Variants in AMN1 observed in about 807,000 individuals in gnomAD.
AMN1 encodes the protein antagonist of mitotic exit network 1 homolog, also known as protein AMN1 homolog.
In AMN1, 20 loss-of-function variants were observed where a neutral mutation model predicts 33.0. The ratio of observed to expected loss-of-function variants is 0.61; its 90% CI spans 0.43 to 0.88. The LOEUF is 0.88. AMN1 is among the 40% of genes least tolerant of loss of function. AMN1 has a pLI of 0.00. For synonymous variants in AMN1, 114 were observed against 111.9 expected (o/e 1.02, Z -0.12); for missense variants, 246 against 307.4 (o/e 0.80, Z 1.49).
chr12:31,708,196 C>T (rs374826720), intron 2 of AMN1, among the ~76,000 whole-genome samples: 44 of 152,220 alleles, frequency 2.9e-4, no homozygotes, highest in Middle Eastern at 3.4e-3. Context: ...TATAAACAGA[C>T]GTGCAAGTAG....
intron 6 of AMN1, among the ~76,000 whole-genome samples, chr12:31,680,461 C>T (rs911818315): frequency 6.6e-6 from 1 of 152,174 alleles, no homozygotes; most frequent in African/African-American, 2.4e-5. Flanking sequence ...TCGGCCCCCC[C>T]ACAGGGCTGG....
At chr12:31,713,876 A>C (rs1352687042) in intron 1 of AMN1, among the ~76,000 whole-genome samples, 1 of 152,092 alleles carries the variant, frequency 6.6e-6, no homozygotes, top group Non-Finnish European at 1.5e-5. Context: ...TTTTCTGATA[A>C]AATTAAAGCC....
At chr12:31,724,554 A>G (rs766319398) in intron 1 of AMN1, among the ~76,000 whole-genome samples, 1 of 152,178 alleles carries the variant, frequency 6.6e-6, no homozygotes, top group African/African-American at 2.4e-5. Context: ...TTTTTTTACC[A>G]TGGTTGACTG....
chr12:31,687,881 C>A lies in AMN1; in HGVS notation c.703+1126G>T, dbSNP rs919967395. ...ATATATACCATGGCTCTTATACAGG[C>A]AAAATGGGCTACTGCTGTTTTGTTC... On this transcript the variant is annotated intron_variant, in intron 6 of 6. Transcript: ENST00000281471. The surrounding 1 kb of genome is among the most constrained non-coding windows in gnomAD (Gnocchi z 4.1). Among the ~76,000 whole-genome samples, 4 of 152,078 alleles carry A rather than the reference C, an allele frequency of 2.6e-5. No homozygotes were observed. Among genetic ancestry groups the A allele is most frequent in the Non-Finnish European group, 5.9e-5 (4 of 68,008 alleles).
intron 6 of AMN1, among the ~76,000 whole-genome samples, chr12:31,678,917 G>A (rs1937866132): frequency 6.6e-6 from 1 of 152,064 alleles, no homozygotes; most frequent in African/African-American, 2.4e-5. Flanking sequence ...GAATAATACA[G>A]GATTAAGACA....
intron 6 of AMN1, among the ~76,000 whole-genome samples, chr12:31,685,800 C>CAAAAAAAA (rs10525163): frequency 0.044 from 5,268 of 120,586 alleles, 358 homozygotes; most frequent in East Asian, 0.22. Flanking sequence ...GACTCATTAT[C>CAAAAAAAA]AAAAAAAAAA....
At position 31,684,454 on chromosome 12, in the gene AMN1, CTT is replaced by C. The variant is rs538423652; in HGVS notation, c.703+4551_703+4552del. Among the ~76,000 whole-genome samples, 7 of 149,818 alleles carry C rather than the reference CTT, an allele frequency of 4.7e-5. No individual in the cohort carries two copies. The South Asian group carries it at 1.5e-3, about 32-fold the overall frequency. On this transcript the variant is annotated intron_variant, in intron 6 of 6. Transcript: ENST00000281471. The stretch of plus-strand genomic sequence containing the variant: ...TAACAAATATACATAAACAAAAACT[CTT>C]TGGGGATCCTCAGTGATTTTTTTTT...
intron 6 of AMN1, among the ~76,000 whole-genome samples, chr12:31,675,720 T>A (rs1208446358): frequency 3.3e-5 from 5 of 151,730 alleles, no homozygotes. Context: ...GGTCTTGAAC[T>A]CCTGACCTCA....
intron 1 of AMN1, among the ~76,000 whole-genome samples, chr12:31,723,757 G>A (rs1224281640): frequency 6.6e-6 from 1 of 152,194 alleles, no homozygotes; most frequent in African/African-American, 2.4e-5. Context: ...AACTGTGTCA[G>A]AGGGTGTGTA....
rs57266162 is a variant in AMN1, at chr12:31,722,130, G to GACACACACAC, written c.38+6831_38+6840dup. Among the ~76,000 whole-genome samples, 466 of 144,054 alleles carry GACACACACAC rather than the reference G, an allele frequency of 3.2e-3. 4 individuals carry two copies. The highest frequency in any genetic ancestry group is 0.01 in the African/African-American group (382 of 38,192). The allele number at this position is 144,054 out of a possible 152,430, so 94.5% of individuals were successfully genotyped here. ...GACAAGTTGACTATATCAGGCCTTT[G>GACACACACAC]ACACACACACACACACACACACACA... On this transcript the variant is annotated intron_variant, in intron 1 of 6. Transcript: ENST00000281471.
intron 2 of AMN1, among the ~76,000 whole-genome samples, chr12:31,706,411 C>A (rs898428970): frequency 2.0e-5 from 3 of 151,584 alleles, no homozygotes; most frequent in Non-Finnish European, 2.9e-5. Context: ...AGATGCCGCT[C>A]ACCCCCAACA....
At chr12:31,682,169 CA>C (rs1938044970) in intron 6 of AMN1, among the ~76,000 whole-genome samples, 1 of 152,166 alleles carries the variant, frequency 6.6e-6, no homozygotes, top group Admixed American at 6.6e-5. Context: ...GACAAATTAA[CA>C]TTCATAATAG....
chr12:31,697,888 G>C lies in AMN1; in HGVS notation c.386C>G (p.Thr129Ser). The change falls in exon 4 of 7, where the codon ACT becomes AGT. Residue 129 changes from threonine (T) to serine (S), a missense_variant. Physicochemically the swap from Thr to Ser is moderately conservative, Grantham distance 58. Transcript: ENST00000281471. Reference sequence around the variant, plus strand: ...TGCAAGAGCAACGACTCCTTCGTCAGTGAGATTGCAGCATCTTTTCAAAGA... The same window carrying C: ...TGCAAGAGCAACGACTCCTTCGTCACTGAGATTGCAGCATCTTTTCAAAGA... ...EASLKRCCNL[T>S]DEGVVALALN... 1 of 1,614,040 alleles carries C rather than the reference G, an allele frequency of 6.2e-7. No individual in the cohort carries two copies. Among genetic ancestry groups the C allele is most frequent in the Non-Finnish European group, 8.5e-7 (1 of 1,179,894 alleles).
chr12:31,692,451 C>CAA (rs5797431), intron 5 of AMN1, among the ~76,000 whole-genome samples: 4 of 125,058 alleles, frequency 3.2e-5, no homozygotes, highest in African/African-American at 9.5e-5. Context: ...GACTCTGTCT[C>CAA]AAAAAAAAAA....
In AMN1 at chr12:31,674,340, G is replaced by A. The variant is rs117365807; in HGVS notation, c.704-1963C>T. On this transcript the variant is annotated intron_variant, in intron 6 of 6. Transcript: ENST00000281471. ...GGAGAATTGCTTGAACCAGGGAGGC[G>A]GAGATTGCAGTAAGCCAAGACCATG... 3.3e-3 allele frequency among the ~76,000 whole-genome samples: 508 copies of A among 151,930 alleles called. 6 individuals are homozygous for A. The highest frequency in any genetic ancestry group is 0.01 in the East Asian group (54 of 5,172).
chr12:31,688,425 T>C (rs1157919596), intron 6 of AMN1, among the ~76,000 whole-genome samples: 1 of 152,260 alleles, frequency 6.6e-6, no homozygotes, highest in East Asian at 1.9e-4. Context: ...GTAACATTTA[T>C]TGAGCACTGG....
intron 1 of AMN1, among the ~76,000 whole-genome samples, chr12:31,719,771 T>C (rs1003234895): frequency 1.3e-5 from 2 of 152,190 alleles, no homozygotes; most frequent in Non-Finnish European, 1.5e-5. Flanking sequence ...TGGAAAACCT[T>C]GCACTTTTGA....
At chr12:31,692,425 C>T (rs781169574) in intron 5 of AMN1, among the ~76,000 whole-genome samples, 4 of 149,412 alleles carry the variant, frequency 2.7e-5, no homozygotes, top group Non-Finnish European at 4.4e-5. Flanking sequence ...GCATACCAGC[C>T]TGAGTGACAA....
intron 5 of AMN1, among the ~76,000 whole-genome samples, chr12:31,696,060 T>C (rs1938710837): frequency 2.6e-5 from 4 of 151,316 alleles, no homozygotes; most frequent in Admixed American, 1.3e-4. Context: ...CTAGCCAACA[T>C]GGCAAAACCC....
Sources: gnomAD v4.1 joint callset for allele counts (sites outside exome capture counted in the v4.1 genomes callset) on GRCh38, gnomAD v4.1.1 for gene constraint, Gnocchi (gnomAD v3.1) non-coding constraint, MANE v1.5 for transcripts, NCBI Gene and HGNC (gene_info 2026-07-23, HGNC 2026-07-21) for gene names.